Variants in COA8 observed in about 807,000 individuals in gnomAD.
COA8 encodes cytochrome c oxidase assembly factor 8.
A neutral mutation model predicts 22.0 loss-of-function variants in COA8; 20 were observed. That is an observed-to-expected ratio of 0.91 (90% CI 0.64 to 1.32). COA8 has a LOEUF of 1.32. Among genes scored for constraint, COA8 ranks in the 40% most tolerant of loss-of-function variants. COA8 has a pLI of 0.00. For missense variants in COA8, 266 were observed against 230.0 expected (o/e 1.16, Z -1.01); for synonymous variants, 105 against 79.9 (o/e 1.31, Z -1.68).
At chr14:103,569,426 A>G (rs1833757916) in intron 1 of COA8, among the ~76,000 whole-genome samples, 1 of 152,236 alleles carries the variant, frequency 6.6e-6, no homozygotes, top group Admixed American at 6.5e-5. Flanking sequence ...ACTGGTAGAT[A>G]AATATGGAAA....
chr14:103,577,677 G>C (rs1351622304), intron 3 of COA8, among the ~76,000 whole-genome samples: 1 of 151,502 alleles, frequency 6.6e-6, no homozygotes, highest in Non-Finnish European at 1.5e-5. Flanking sequence ...CCAGGAGTTT[G>C]AGACCAGCCT....
At chr14:103,589,204 C>T (rs1184734644) in intron 4 of COA8, among the ~76,000 whole-genome samples, 1 of 152,122 alleles carries the variant, frequency 6.6e-6, no homozygotes, top group Non-Finnish European at 1.5e-5. Flanking sequence ...AGAATCAGGT[C>T]GTCTGTATTA....
In COA8 at chr14:103,563,133, G is replaced by A; in HGVS notation, c.123+9G>A. 2.6e-6 allele frequency: 4 copies of A among 1,539,368 alleles called. No individual in the cohort carries two copies. The highest frequency in any genetic ancestry group is 2.6e-6 in the Non-Finnish European group (3 of 1,148,250). On this transcript the variant is annotated intron_variant, in intron 1 of 4. Transcript: ENST00000409074. Reference sequence around the variant, plus strand: ...ATACGGCGCCCAGCGGGGTAAGCAGGGGCCTGGGGACATTGGGCCGGGAGG... The same window carrying A: ...ATACGGCGCCCAGCGGGGTAAGCAGAGGCCTGGGGACATTGGGCCGGGAGG...
chr14:103,588,638 G>GT (rs892611643), intron 4 of COA8, among the ~76,000 whole-genome samples: 1 of 152,094 alleles, frequency 6.6e-6, no homozygotes, highest in Non-Finnish European at 1.5e-5. Flanking sequence ...GAGCCCAGGA[G>GT]TTTGAGACCA....
rs998093262 is a variant in COA8 at position 103,577,793 on chromosome 14, G to A, written c.385+3623G>A. Among the ~76,000 whole-genome samples, 3 of 152,096 alleles carry A rather than the reference G, an allele frequency of 2.0e-5. No homozygotes were observed. The East Asian group carries it at 5.8e-4, about 29-fold the overall frequency. On this transcript the variant is annotated intron_variant, in intron 3 of 4. Coordinates refer to ENST00000409074, the MANE Select transcript of COA8 (RefSeq NM_001370595.2). ...TAATCCCAGCACTTTGGGAGGCTGA[G>A]GCAGGCGGATCACCTGAGGTCAGGA...
At chr14:103,579,868 C>T (rs373228673) in intron 3 of COA8, among the ~76,000 whole-genome samples, 1 of 145,480 alleles carries the variant, frequency 6.9e-6, no homozygotes, top group Non-Finnish European at 1.5e-5. Flanking sequence ...GAGGCTGAGG[C>T]AGGAGAATCA....
At chr14:103,578,249 G>A (rs1469022560) in intron 3 of COA8, among the ~76,000 whole-genome samples, 1 of 152,036 alleles carries the variant, frequency 6.6e-6, no homozygotes, top group Non-Finnish European at 1.5e-5. Flanking sequence ...GTTCCTTGCA[G>A]CACAATCTTT....
chr14:103,590,120 C>T (rs1341090449), intron 4 of COA8, 61 bp from the exon 5 acceptor site: 8 of 1,450,136 alleles, frequency 5.5e-6, no homozygotes, highest in Non-Finnish European at 6.7e-6. Flanking sequence ...ACTTCTGGGC[C>T]AGGGCACCAA....
At chr14:103,573,271 G>A (rs1273972698) in intron 2 of COA8, among the ~76,000 whole-genome samples, 1 of 151,768 alleles carries the variant, frequency 6.6e-6, no homozygotes. Flanking sequence ...CCTGGTTCAA[G>A]CGATTCTCCT....
At chr14:103,574,947 A>G (rs546458064) in intron 3 of COA8, among the ~76,000 whole-genome samples, 63 of 152,358 alleles carry the variant, frequency 4.1e-4, no homozygotes, top group African/African-American at 1.4e-3. Flanking sequence ...CCAATGAAGT[A>G]GATACTGTTA....
chr14:103,572,738 C>T (rs1595140197), intron 2 of COA8, among the ~76,000 whole-genome samples: 2 of 150,774 alleles, frequency 1.3e-5, no homozygotes, highest in African/African-American at 2.4e-5. Flanking sequence ...AAAAGAAACC[C>T]GTTTTTGTGA....
rs1271780696 is a variant in COA8 at position 103,581,415 on chromosome 14, G to A, written c.386-5859G>A. Among the ~76,000 whole-genome samples, 3 of 151,878 alleles carry A rather than the reference G, an allele frequency of 2.0e-5. No homozygotes were observed. The highest frequency in any genetic ancestry group is 4.8e-5 in the African/African-American group (2 of 41,340). On this transcript the variant is annotated intron_variant, in intron 3 of 4. Transcript: ENST00000409074. This position sits in a 1 kb window ranked among gnomAD's most constrained non-coding sequence, Gnocchi z 4.1. ...GCTGAGTAACTAACGAGTGGGGCGC[G>A]TCTACACTGTGGAGGTGCTGGACAG...
At chr14:103,575,486 G>T (rs1005561686) in intron 3 of COA8, among the ~76,000 whole-genome samples, 25 of 152,202 alleles carry the variant, frequency 1.6e-4, no homozygotes, top group African/African-American at 5.5e-4. Context: ...TGCAGTGGGA[G>T]TGGGGCAGCA....
At chr14:103,585,456 G>A (rs1258024208) in intron 3 of COA8, among the ~76,000 whole-genome samples, 6 of 142,440 alleles carry the variant, frequency 4.2e-5, no homozygotes, top group Admixed American at 1.4e-4. Flanking sequence ...TCCAGCCTGG[G>A]CAACAAAAGC....
Position 103,585,250 on chromosome 14 carries a change from G to A in COA8, c.386-2024G>A, listed in dbSNP as rs530644894. On this transcript the variant is annotated intron_variant, in intron 3 of 4. Transcript: ENST00000409074. ...TACCAGCACTTTGGGAGGCCAAGGC[G>A]GGTGGATCACCTGAGGTTGGGAGTT... Among the ~76,000 whole-genome samples the A allele has an allele frequency of 2.7e-3, 414 of 152,128 alleles. 3 individuals are homozygous for A. Among genetic ancestry groups the A allele is most frequent in the African/African-American group, 9.3e-3 (386 of 41,524 alleles).
rs1024850614 is a variant in COA8, at chr14:103,579,854, T to C, written c.385+5684T>C. Among the ~76,000 whole-genome samples the C allele has an allele frequency of 9.3e-5, 14 of 150,306 alleles. 1 individual carries two copies. The East Asian group carries it at 2.7e-3, about 29-fold the overall frequency. The stretch of plus-strand genomic sequence containing the variant: ...GGCGTATGCCTGTAATCCCAGCTAC[T>C]TGGGAGGCTGAGGCAGGAGAATCAT... On this transcript the variant is annotated intron_variant, in intron 3 of 4. Transcript: ENST00000409074.
chr14:103,570,827 T>C (rs2076178428), intron 1 of COA8, among the ~76,000 whole-genome samples: 1 of 152,118 alleles, frequency 6.6e-6, no homozygotes, highest in Non-Finnish European at 1.5e-5. Flanking sequence ...GGGGGCTAGA[T>C]TTTTTCAAAA....
Position 103,587,302 on chromosome 14 carries a change from A to G in COA8, c.414A>G (p.Glu138=), listed in dbSNP as rs778222675. The G allele has an allele frequency of 3.1e-6, 5 of 1,613,606 alleles. No homozygotes were observed. The Admixed American group carries it at 6.7e-5, about 22-fold the overall frequency. ...AGAAAGCAACATTGAATGCAGAAGAAATGGCGGACTTCTACAAGGAATTTT... is the reference window on the plus strand; with the variant it reads ...AGAAAGCAACATTGAATGCAGAAGAGATGGCGGACTTCTACAAGGAATTTT... The part of the protein sequence containing the change: ...SGQKATLNAE[E]MADFYKEFLS... Residue 138 remains glutamate (E), a synonymous_variant, in exon 4 of 5, where the codon GAA becomes GAG. Coordinates refer to ENST00000409074, the MANE Select transcript of COA8 (RefSeq NM_001370595.2).
chr14:103,568,162 C>T (rs1212136502), intron 1 of COA8, among the ~76,000 whole-genome samples: 2 of 152,186 alleles, frequency 1.3e-5, no homozygotes, highest in East Asian at 3.9e-4. Flanking sequence ...CTTCATTATT[C>T]CCTGGTGGTT....
Sources: allele counts gnomAD v4.1 joint callset (sites outside exome capture counted in the v4.1 genomes callset), GRCh38; gene constraint gnomAD v4.1.1; non-coding constraint Gnocchi (gnomAD v3.1); transcripts MANE v1.5; gene names NCBI Gene and HGNC (gene_info 2026-07-23, HGNC 2026-07-21).